PEX5L: variants seen among roughly 807,000 people sequenced by gnomAD.
PEX5L encodes peroxisomal biogenesis factor 5 like.
Under a neutral mutation model 84.0 loss-of-function variants are expected in PEX5L, and 30 were observed. That is an observed-to-expected ratio of 0.36 (90% CI 0.27 to 0.48). The LOEUF is 0.48. Among genes scored for constraint, PEX5L ranks in the 20% least tolerant of loss-of-function variants. PEX5L has a pLI of 0.99. For missense variants in PEX5L, 533 were observed against 754.6 expected, an observed-to-expected ratio of 0.71 and a Z score of 3.44; for synonymous variants, 270 against 283.1, an observed-to-expected ratio of 0.95 and a Z score of 0.46.
At chr3:179,983,625 T>A (rs1309191975) in intron 1 of PEX5L, among the ~76,000 whole-genome samples, 1 of 152,020 alleles carries the variant, frequency 6.6e-6, no homozygotes, top group Non-Finnish European at 1.5e-5. Context: ...AACTCCACCA[T>A]TTTTACTTAA....
At chr3:179,922,502 G>A (rs1769860715) in intron 2 of PEX5L, among the ~76,000 whole-genome samples, 1 of 148,176 alleles carries the variant, frequency 6.7e-6, no homozygotes, top group Non-Finnish European at 1.5e-5. Flanking sequence ...AGGCTGGAGT[G>A]CAGTGGCGCG....
At chr3:179,811,490 G>A (rs1251255902) in intron 11 of PEX5L, among the ~76,000 whole-genome samples, 1 of 152,096 alleles carries the variant, frequency 6.6e-6, no homozygotes, top group Non-Finnish European at 1.5e-5. Context: ...ATTTTCAGAT[G>A]TTTCAGAAGG....
rs1212722398 is a variant in PEX5L at position 179,797,588 on chromosome 3, TTAAAAAAA to T, written c.*4232_*4239del. ...GCCAGAGTTTATCTATGAACACTCTTTAAAAAAAAAAAAAAAAATATATATATATATAT... is the reference window on the plus strand; with the variant it reads ...GCCAGAGTTTATCTATGAACACTCTTAAAAAAAAAATATATATATATATAT... On this transcript the variant is annotated 3_prime_UTR_variant, in exon 15 of 15. Transcript: ENST00000467460. 1.5e-4 allele frequency: 8 copies of T among 51,862 alleles called. No individual in the cohort carries two copies. The highest frequency in any genetic ancestry group is 5.4e-4 in the African/African-American group (8 of 14,764). 3.2% of individuals were successfully genotyped at this position (51,862 alleles called of 1,614,324 possible).
chr3:180,001,477 T>A (rs2110423373), intron 1 of PEX5L, among the ~76,000 whole-genome samples: 1 of 146,592 alleles, frequency 6.8e-6, no homozygotes, highest in South Asian at 2.2e-4. Context: ...TTTGTGCACA[T>A]GTTAAAAGAA....
intron 8 of PEX5L, among the ~76,000 whole-genome samples, chr3:179,844,664 T>G (rs917319346): frequency 6.6e-6 from 1 of 151,942 alleles, no homozygotes; most frequent in African/African-American, 2.4e-5. Context: ...CTGTCTCTAC[T>G]AAAAATACAA....
intron 2 of PEX5L, among the ~76,000 whole-genome samples, chr3:179,916,205 T>A (rs1030428593): frequency 2.0e-5 from 3 of 152,146 alleles, no homozygotes; most frequent in Non-Finnish European, 2.9e-5. Flanking sequence ...TATTAAACAA[T>A]TTGATTGTCG....
At chr3:179,999,862 T>C (rs1788232869) in intron 1 of PEX5L, among the ~76,000 whole-genome samples, 1 of 152,166 alleles carries the variant, frequency 6.6e-6, no homozygotes, top group South Asian at 2.1e-4. Flanking sequence ...TTGACAGAAT[T>C]GTGGAGTGGC....
At chr3:179,952,187 C>T (rs891439073) in intron 2 of PEX5L, among the ~76,000 whole-genome samples, 4 of 152,070 alleles carry the variant, frequency 2.6e-5, no homozygotes, top group Admixed American at 6.5e-5. Flanking sequence ...GCATTTAATC[C>T]GGATTCTGTA....
chr3:179,987,263 CCTTT>C (rs1191150466), intron 1 of PEX5L, among the ~76,000 whole-genome samples: 2 of 149,996 alleles, frequency 1.3e-5, no homozygotes, highest in South Asian at 2.1e-4. Context: ...TTCCTTCCTT[CCTTT>C]CTTCCTTCCT....
intron 2 of PEX5L, among the ~76,000 whole-genome samples, chr3:179,944,009 C>CAAAA (rs951289941): frequency 6.6e-5 from 10 of 150,782 alleles, no homozygotes; most frequent in African/African-American, 2.0e-4. Flanking sequence ...CTCCCCCCCC[C>CAAAA]AAAAAACTGA....
chr3:180,021,481 G>C (rs1334298801), intron 1 of PEX5L, among the ~76,000 whole-genome samples: 2 of 152,112 alleles, frequency 1.3e-5, no homozygotes, highest in Non-Finnish European at 2.9e-5. Context: ...TTTCTAACGA[G>C]CATTCTAGAC....
intron 1 of PEX5L, among the ~76,000 whole-genome samples, chr3:179,974,437 C>T (rs1385489509): frequency 6.6e-6 from 1 of 152,114 alleles, no homozygotes; most frequent in Non-Finnish European, 1.5e-5. Context: ...GCACTGTTCC[C>T]CTAGGTGCAG....
intron 1 of PEX5L, among the ~76,000 whole-genome samples, chr3:180,019,201 G>A (rs1461488283): frequency 6.6e-6 from 1 of 152,138 alleles, no homozygotes; most frequent in Non-Finnish European, 1.5e-5. Flanking sequence ...TAGGGTCACA[G>A]TTGGAAATAA....
At chr3:179,830,324 T>C (rs1035396040) in intron 8 of PEX5L, among the ~76,000 whole-genome samples, 1 of 126,358 alleles carries the variant, frequency 7.9e-6, no homozygotes, top group Admixed American at 9.8e-5. Flanking sequence ...ATTGTCAAAA[T>C]GGTTGACCAA....
chr3:179,978,254 AG>A (rs1301724365), intron 1 of PEX5L, among the ~76,000 whole-genome samples: 1 of 152,162 alleles, frequency 6.6e-6, no homozygotes, highest in Non-Finnish European at 1.5e-5. Context: ...AATAGCCTGA[AG>A]GGTTTATGAA....
At chr3:179,910,151 A>C (rs1313086345) in intron 2 of PEX5L, among the ~76,000 whole-genome samples, 1 of 152,228 alleles carries the variant, frequency 6.6e-6, no homozygotes, top group Non-Finnish European at 1.5e-5. Context: ...AGGACTTCAT[A>C]GGGATTGAAA....
chr3:179,814,023 G>A (rs1221490601), intron 10 of PEX5L, among the ~76,000 whole-genome samples: 1 of 144,932 alleles, frequency 6.9e-6, no homozygotes, highest in Non-Finnish European at 1.5e-5. Flanking sequence ...GTTTCCCCAC[G>A]TTGGCCAAGC....
At chr3:179,996,600 T>C (rs966633622) in intron 1 of PEX5L, among the ~76,000 whole-genome samples, 1 of 152,140 alleles carries the variant, frequency 6.6e-6, no homozygotes, top group East Asian at 1.9e-4. Flanking sequence ...GTCCAGAAGA[T>C]ACACCCTTGA....
intron 2 of PEX5L, among the ~76,000 whole-genome samples, chr3:179,929,422 G>T (rs376696415): frequency 6.6e-6 from 1 of 151,582 alleles, no homozygotes; most frequent in South Asian, 2.1e-4. Flanking sequence ...TTTATTTTCA[G>T]TCCATATTCT....
Sources: gnomAD v4.1 joint callset for allele counts (sites outside exome capture counted in the v4.1 genomes callset) on GRCh38, gnomAD v4.1.1 for gene constraint, MANE v1.5 for transcripts, NCBI Gene and HGNC (gene_info 2026-07-23, HGNC 2026-07-21) for gene names.